The following GRM7 variants were observed in gnomAD, a reference collection of about 807,000 sequenced individuals.
The protein encoded by GRM7 is metabotropic glutamate receptor 7.
Under a neutral mutation model 84.5 loss-of-function variants are expected in GRM7, and 35 were observed. The observed-to-expected ratio is 0.41, with a 90% CI of 0.32 to 0.55. The LOEUF (loss-of-function observed/expected upper bound fraction) is 0.55. Among genes scored for constraint, GRM7 ranks in the 20% least tolerant of loss-of-function variants. GRM7 has a pLI of 0.19. For synonymous variants in GRM7, 487 were observed against 455.1 expected (o/e 1.07, Z -0.89); for missense variants, 1,003 against 1,194.6 (o/e 0.84, Z 2.36).
chr3:7,122,459 A>G (rs934853540), intron 1 of GRM7, among the ~76,000 whole-genome samples: 5 of 152,218 alleles, frequency 3.3e-5, no homozygotes, highest in African/African-American at 1.2e-4. Flanking sequence ...GAAAGATAAA[A>G]TGACTACTAA....
At chr3:7,303,272 A>G (rs1005496676) in intron 3 of GRM7, among the ~76,000 whole-genome samples, 1 of 152,170 alleles carries the variant, frequency 6.6e-6, no homozygotes, top group African/African-American at 2.4e-5. Flanking sequence ...TAATAAATAC[A>G]TAAAAAAACT....
chr3:7,091,895 G>A (rs929921363), intron 1 of GRM7, among the ~76,000 whole-genome samples: 1 of 151,352 alleles, frequency 6.6e-6, no homozygotes, highest in Non-Finnish European at 1.5e-5. Flanking sequence ...GAGTGACATT[G>A]CAATGATCAC....
chr3:6,890,801 C>G (rs547661420), intron 1 of GRM7, among the ~76,000 whole-genome samples: 1 of 152,174 alleles, frequency 6.6e-6, no homozygotes, highest in East Asian at 1.9e-4. Flanking sequence ...AAATTTCTGT[C>G]TCGTTGATCT....
At chr3:7,043,561 T>A (rs942414683) in intron 1 of GRM7, among the ~76,000 whole-genome samples, 2 of 152,236 alleles carry the variant, frequency 1.3e-5, no homozygotes, top group African/African-American at 2.4e-5. Context: ...TTGTTTCATT[T>A]GAAAGTGTAA....
At chr3:7,594,088 C>G (rs1444357088) in intron 8 of GRM7, among the ~76,000 whole-genome samples, 1 of 152,130 alleles carries the variant, frequency 6.6e-6, no homozygotes, top group Non-Finnish European at 1.5e-5. Flanking sequence ...CAGGTGGTGT[C>G]CTAAGGCTGC....
At chr3:7,516,487 A>AG (rs1700392200) in intron 7 of GRM7, among the ~76,000 whole-genome samples, 1 of 145,832 alleles carries the variant, frequency 6.9e-6, no homozygotes, top group East Asian at 2.0e-4. Flanking sequence ...AAAAAAAAAA[A>AG]AAAAAAAAAA....
chr3:7,074,026 T>C (rs17046762), intron 1 of GRM7, among the ~76,000 whole-genome samples: 19,406 of 152,172 alleles, frequency 0.13, 1,855 homozygotes, highest in African/African-American at 0.27. Flanking sequence ...GGAAATCTTT[T>C]AAGCAATGCA....
At chr3:7,061,488 G>T (rs529597631) in intron 1 of GRM7, among the ~76,000 whole-genome samples, 1 of 151,688 alleles carries the variant, frequency 6.6e-6, no homozygotes, top group Non-Finnish European at 1.5e-5. Flanking sequence ...GTTCAAACCC[G>T]GAGTTGACTG....
chr3:7,145,636 C>G (rs561172060), intron 1 of GRM7, among the ~76,000 whole-genome samples: 2 of 151,850 alleles, frequency 1.3e-5, no homozygotes, highest in South Asian at 4.2e-4. Flanking sequence ...TTTCAAGGGG[C>G]CTGTGGAGTC....
intron 2 of GRM7, among the ~76,000 whole-genome samples, chr3:7,178,074 G>A (rs1414979987): frequency 2.0e-5 from 3 of 152,162 alleles, no homozygotes; most frequent in South Asian, 2.1e-4. Context: ...TGAATTTAAT[G>A]TATTGGTTAA....
At chr3:7,229,759 A>ATATATTT (rs1434216248) in intron 2 of GRM7, among the ~76,000 whole-genome samples, 4 of 30,432 alleles carry the variant, frequency 1.3e-4, no homozygotes, top group African/African-American at 3.8e-4. Flanking sequence ...ATATATATAT[A>ATATATTT]TTTTTTTTTT....
intron 5 of GRM7, among the ~76,000 whole-genome samples, 181 bp from the exon 6 acceptor site, chr3:7,452,426 G>A (rs2124891630): frequency 6.6e-6 from 1 of 152,248 alleles, no homozygotes; most frequent in South Asian, 2.1e-4. Context: ...CATGGTAGCT[G>A]GATATGGATA....
At chr3:7,405,317 C>G (rs933943521) in intron 4 of GRM7, among the ~76,000 whole-genome samples, 4 of 152,174 alleles carry the variant, frequency 2.6e-5, no homozygotes, top group African/African-American at 9.6e-5. Flanking sequence ...TTTGTTAAGA[C>G]TGAGTATTAT....
intron 4 of GRM7, among the ~76,000 whole-genome samples, chr3:7,318,796 A>G (rs1700671295): frequency 6.6e-6 from 1 of 152,120 alleles, no homozygotes; most frequent in South Asian, 2.1e-4. Flanking sequence ...GATGTTTTAC[A>G]TACTGTTTCC....
intron 1 of GRM7, among the ~76,000 whole-genome samples, chr3:7,114,195 T>C (rs527641217): frequency 1.3e-5 from 2 of 152,312 alleles, no homozygotes; most frequent in African/African-American, 4.8e-5. Context: ...AGTGCAGATA[T>C]GAACAATAGC....
chr3:6,890,156 A>G (rs1574974817), intron 1 of GRM7, among the ~76,000 whole-genome samples: 1 of 151,812 alleles, frequency 6.6e-6, no homozygotes, highest in Admixed American at 6.6e-5. Context: ...CGGTCTATCA[A>G]TTTTGTTGAT....
Position 7,452,710 on chromosome 3 carries a change from C to G in GRM7, c.1278C>G (p.Asn426Lys), listed in dbSNP as rs1424400268. Residue 426 changes from asparagine to lysine, a missense_variant, in exon 6 of 10, where the codon AAC (asparagine) becomes AAG (lysine). Coordinates refer to ENST00000357716, the MANE Select transcript of GRM7 (RefSeq NM_000844.4). ...TGGCTCACGCCCTTCACCACATGAA[C>G]AAGGATCTCTGTGCTGACTACCGGG... The part of the protein sequence containing the change: ...YAMAHALHHM[N>K]KDLCADYRGV... 14 of 1,612,990 alleles carry G rather than the reference C, an allele frequency of 8.7e-6. No homozygotes were observed. The highest frequency in any genetic ancestry group is 1.0e-5 in the Non-Finnish European group (12 of 1,179,176).
intron 4 of GRM7, among the ~76,000 whole-genome samples, chr3:7,375,195 G>A (rs1022580183): frequency 6.7e-6 from 1 of 150,184 alleles, no homozygotes; most frequent in South Asian, 2.1e-4. Flanking sequence ...CCATAAACTG[G>A]CTCTCATTTA....
intron 1 of GRM7, among the ~76,000 whole-genome samples, chr3:7,091,218 A>G (rs575120841): frequency 6.6e-6 from 1 of 151,930 alleles, no homozygotes; most frequent in Non-Finnish European, 1.5e-5. Context: ...TACCAAAAAA[A>G]AAAAAAGAAA....
Sources: allele counts gnomAD v4.1 joint callset (sites outside exome capture counted in the v4.1 genomes callset), GRCh38; gene constraint gnomAD v4.1.1; transcripts MANE v1.5; gene names NCBI Gene and HGNC (gene_info 2026-07-23, HGNC 2026-07-21).